Variants in CA10 observed in about 807,000 individuals in gnomAD.
CA10 encodes the protein carbonic anhydrase-related protein 10.
A neutral mutation model predicts 44.2 loss-of-function variants in CA10; 14 were observed. The ratio of observed to expected loss-of-function variants is 0.32; its 90% CI spans 0.21 to 0.50. The LOEUF is 0.50. Among genes scored for constraint, CA10 ranks in the 20% least tolerant of loss-of-function variants. CA10 has a pLI of 0.99. For synonymous variants in CA10, 159 were observed against 141.6 expected, an observed-to-expected ratio of 1.12 and a Z score of -0.87; for missense variants, 350 against 409.7, an observed-to-expected ratio of 0.85 and a Z score of 1.26.
chr17:52,069,181 G>T (rs574314962), intron 2 of CA10, among the ~76,000 whole-genome samples: 3 of 152,186 alleles, frequency 2.0e-5, no homozygotes, highest in African/African-American at 7.2e-5. Flanking sequence ...AAAAGTACCT[G>T]CCCAACAACA....
At chr17:52,024,724 A>G (rs1362387551) in intron 2 of CA10, among the ~76,000 whole-genome samples, 1 of 152,118 alleles carries the variant, frequency 6.6e-6, no homozygotes, top group Non-Finnish European at 1.5e-5. Flanking sequence ...AGATTTCTTA[A>G]AATGATAATC....
chr17:51,865,416 T>C (rs1979498617), intron 3 of CA10, among the ~76,000 whole-genome samples: 1 of 151,924 alleles, frequency 6.6e-6, no homozygotes, highest in Admixed American at 6.6e-5. Context: ...AAACAGGGGG[T>C]TCCTCCTGCT....
intron 3 of CA10, among the ~76,000 whole-genome samples, chr17:51,902,844 T>C (rs951603152): frequency 1.3e-5 from 2 of 152,200 alleles, no homozygotes; most frequent in African/African-American, 4.8e-5. Flanking sequence ...GTGATGCTTG[T>C]CTTCGGGTAG....
chr17:51,963,736 AGAACC>A (rs1356981197), intron 2 of CA10, among the ~76,000 whole-genome samples: 1 of 152,228 alleles, frequency 6.6e-6, no homozygotes. Flanking sequence ...TGTTACTATT[AGAACC>A]GGCTTACAAG....
At chr17:51,680,535 G>A (rs1223412144) in intron 4 of CA10, among the ~76,000 whole-genome samples, 1 of 152,188 alleles carries the variant, frequency 6.6e-6, no homozygotes, top group Non-Finnish European at 1.5e-5. Context: ...GGAAGCCAGT[G>A]GTTCTCAAAG....
intron 1 of CA10, among the ~76,000 whole-genome samples, chr17:52,138,402 T>C (rs539103529): frequency 1.7e-4 from 26 of 152,326 alleles, no homozygotes; most frequent in Admixed American, 1.4e-3. Context: ...TTCCTGGCAT[T>C]AGAATTAGGA....
chr17:51,820,208 C>A (rs1165709295), intron 3 of CA10, among the ~76,000 whole-genome samples: 3 of 130,808 alleles, frequency 2.3e-5, no homozygotes, highest in South Asian at 2.8e-4. Context: ...CAGGTAATAC[C>A]CCCTTCAACT....
chr17:51,718,249 T>G (rs888972431), intron 4 of CA10, among the ~76,000 whole-genome samples: 4 of 109,130 alleles, frequency 3.7e-5, no homozygotes, highest in Non-Finnish European at 8.0e-5. Flanking sequence ...AGATTTAAAA[T>G]GAAATAAAAG....
intron 4 of CA10, among the ~76,000 whole-genome samples, chr17:51,720,080 A>G (rs1052906373): frequency 6.6e-6 from 1 of 152,100 alleles, no homozygotes; most frequent in African/African-American, 2.4e-5. Flanking sequence ...AATAAGAAAT[A>G]TTATTTGGTT....
At chr17:51,674,082 C>T (rs1015832414) in intron 4 of CA10, among the ~76,000 whole-genome samples, 7 of 152,244 alleles carry the variant, frequency 4.6e-5, no homozygotes, top group African/African-American at 1.7e-4. Flanking sequence ...ATGCCCACAA[C>T]ATACCTCTAT....
At chr17:51,839,424 C>A (rs1029759950) in intron 3 of CA10, among the ~76,000 whole-genome samples, 1 of 126,964 alleles carries the variant, frequency 7.9e-6, no homozygotes, top group African/African-American at 3.0e-5. Context: ...ACCTGGGAGG[C>A]GGAGCTTGCA....
chr17:51,692,623 C>G (rs1277024174), intron 4 of CA10, among the ~76,000 whole-genome samples: 1 of 152,146 alleles, frequency 6.6e-6, no homozygotes, highest in Non-Finnish European at 1.5e-5. Flanking sequence ...TGTTCCAGCT[C>G]TCATTTCTGT....
intron 2 of CA10, among the ~76,000 whole-genome samples, chr17:51,972,043 C>T (rs1055705876): frequency 1.9e-4 from 28 of 151,260 alleles, no homozygotes; most frequent in South Asian, 2.1e-4. Context: ...CTTGCAGCCT[C>T]GGAGGAAGAA....
intron 2 of CA10, among the ~76,000 whole-genome samples, chr17:51,996,917 G>A (rs1353701224): frequency 6.6e-6 from 1 of 152,028 alleles, no homozygotes; most frequent in Admixed American, 6.6e-5. Flanking sequence ...TCTGTAATAT[G>A]CACAACAATT....
intron 3 of CA10, among the ~76,000 whole-genome samples, chr17:51,878,992 A>G (rs1342501493): frequency 6.7e-6 from 1 of 149,068 alleles, no homozygotes; most frequent in Non-Finnish European, 1.5e-5. Context: ...CCAAATCTCA[A>G]AATAACCACT....
intron 2 of CA10, among the ~76,000 whole-genome samples, chr17:52,017,182 G>C (rs761693103): frequency 2.6e-4 from 40 of 152,138 alleles, no homozygotes; most frequent in Non-Finnish European, 5.3e-4. Flanking sequence ...AATTCATACT[G>C]TGGTATGGAG....
chr17:52,108,932 C>T (rs1175060898), intron 1 of CA10, among the ~76,000 whole-genome samples: 2 of 151,810 alleles, frequency 1.3e-5, no homozygotes, highest in African/African-American at 4.8e-5. Flanking sequence ...TACTGAAGTA[C>T]AAACTTTTTT....
chr17:52,093,021 A>G (rs1264192257), intron 1 of CA10, among the ~76,000 whole-genome samples: 1 of 152,192 alleles, frequency 6.6e-6, no homozygotes, highest in African/African-American at 2.4e-5. Context: ...GTAATGTTTT[A>G]TCATGTTGAC....
At chr17:51,803,716 A>T (rs553439438) in intron 3 of CA10, among the ~76,000 whole-genome samples, 1 of 152,334 alleles carries the variant, frequency 6.6e-6, no homozygotes, top group East Asian at 1.9e-4. Context: ...TTAAATTTTA[A>T]AGTATAATTT....
Sources: allele counts gnomAD v4.1 joint callset (sites outside exome capture counted in the v4.1 genomes callset), GRCh38; gene constraint gnomAD v4.1.1; transcripts MANE v1.5; gene names NCBI Gene and HGNC (gene_info 2026-07-23, HGNC 2026-07-21).